C1orf21: variants seen among roughly 807,000 people sequenced by gnomAD.
C1orf21 encodes the protein chromosome 1 open reading frame 21, also known as uncharacterized protein C1orf21.
A neutral mutation model predicts 18.7 loss-of-function variants in C1orf21; 3 were observed. The observed-to-expected ratio is 0.16, with a 90% confidence interval of 0.07 to 0.42. The LOEUF is 0.42. Among genes scored for constraint, C1orf21 ranks in the 10% least tolerant of loss-of-function variants. C1orf21 has a pLI of 0.99. For missense variants in C1orf21, 104 were observed against 143.6 expected (o/e 0.72, Z 1.41); for synonymous variants, 41 against 46.4 (o/e 0.88, Z 0.47).
chr1:184,452,702 T>C (rs377059797), intron 1 of C1orf21, among the ~76,000 whole-genome samples: 16 of 152,292 alleles, frequency 1.1e-4, no homozygotes, highest in East Asian at 9.7e-4. Context: ...TCCATGAATC[T>C]CTTTATATTC....
At chr1:184,448,289 G>A (rs146207811) in intron 1 of C1orf21, among the ~76,000 whole-genome samples, 1 of 152,088 alleles carries the variant, frequency 6.6e-6, no homozygotes. Context: ...TTTCCATGTT[G>A]GCCAGGCTGG....
At position 184,547,420 on chromosome 1, in the gene C1orf21, C is replaced by CTTTTTTTTTTTTTT. The variant is rs34169321; in HGVS notation, c.189+39745_189+39758dup. 1.8e-4 allele frequency among the ~76,000 whole-genome samples: 19 copies of CTTTTTTTTTTTTTT among 102,962 alleles called. 1 individual carries two copies. The highest frequency in any genetic ancestry group is 3.1e-4 in the African/African-American group (7 of 22,596). 67.5% of individuals were successfully genotyped at this position (102,962 alleles called of 152,430 possible). ...CTTGCCATTTAAAGATACATCCAGACTTTTTTTTTTTTTTTTTTTTGGTCT... is the reference window on the plus strand; with the variant it reads ...CTTGCCATTTAAAGATACATCCAGACTTTTTTTTTTTTTTTTTTTTTTTTTTTTTTTTTTGGTCT... On this transcript the variant is annotated intron_variant, in intron 3 of 5. Coordinates refer to ENST00000235307, the MANE Select transcript of C1orf21 (RefSeq NM_030806.4).
At chr1:184,420,693 A>T (rs1213964889) in intron 1 of C1orf21, among the ~76,000 whole-genome samples, 3 of 152,154 alleles carry the variant, frequency 2.0e-5, no homozygotes, top group African/African-American at 7.2e-5. Flanking sequence ...ATGTACTTTT[A>T]TCTGGCCTTT....
intron 3 of C1orf21, among the ~76,000 whole-genome samples, chr1:184,557,920 G>T (rs1419187487): frequency 6.6e-6 from 1 of 152,196 alleles, no homozygotes; most frequent in African/African-American, 2.4e-5. Flanking sequence ...CAGCTCTGCA[G>T]ATGTGAAGTG....
At chr1:184,460,476 A>T (rs563943406) in intron 1 of C1orf21, among the ~76,000 whole-genome samples, 14 of 151,918 alleles carry the variant, frequency 9.2e-5, no homozygotes, top group Admixed American at 3.3e-4. Flanking sequence ...TTACTAAAAC[A>T]TTTCTACTCT....
intron 3 of C1orf21, chr1:184,566,985 G>A (rs1031474204): frequency 5.5e-5 from 29 of 527,376 alleles, no homozygotes; most frequent in Non-Finnish European, 9.3e-5. Context: ...GGTCCAGATG[G>A]CAATCCAAAG....
At chr1:184,610,814 T>A (rs1364065831) in intron 5 of C1orf21, among the ~76,000 whole-genome samples, 6 of 140,804 alleles carry the variant, frequency 4.3e-5, no homozygotes, top group African/African-American at 1.6e-4. Context: ...CCCACTGCAC[T>A]CCAGCCTGAG....
intron 2 of C1orf21, among the ~76,000 whole-genome samples, chr1:184,495,936 A>AG (rs1263897295): frequency 9.9e-5 from 15 of 151,722 alleles, no homozygotes; most frequent in African/African-American, 3.1e-4. Flanking sequence ...AAAAAAAAAA[A>AG]AAAAGATATG....
intron 3 of C1orf21, among the ~76,000 whole-genome samples, chr1:184,559,714 C>T (rs1039475461): frequency 4.6e-5 from 7 of 151,080 alleles, no homozygotes; most frequent in African/African-American, 1.7e-4. Flanking sequence ...ACAACCTGAG[C>T]TCAAGTGATC....
chr1:184,541,987 C>T (rs1002292190), intron 3 of C1orf21, among the ~76,000 whole-genome samples: 1 of 152,146 alleles, frequency 6.6e-6, no homozygotes, highest in African/African-American at 2.4e-5. Flanking sequence ...GTTGAATATT[C>T]TGGGAAAGGA....
chr1:184,531,184 CCCATCTTTACA>C (rs1658457250), intron 3 of C1orf21, among the ~76,000 whole-genome samples: 1 of 152,274 alleles, frequency 6.6e-6, no homozygotes, highest in East Asian at 1.9e-4. Flanking sequence ...CAGAGCATTT[CCCATCTTTACA>C]CCACAGATAT....
intron 1 of C1orf21, among the ~76,000 whole-genome samples, chr1:184,465,736 C>T (rs573379156): frequency 6.6e-6 from 1 of 152,288 alleles, no homozygotes; most frequent in East Asian, 1.9e-4. Context: ...CAAAGGGCTC[C>T]TTAGAATAGA....
At chr1:184,609,885 A>G (rs147026175) in intron 5 of C1orf21, among the ~76,000 whole-genome samples, 42 of 152,376 alleles carry the variant, frequency 2.8e-4, no homozygotes, top group Admixed American at 2.5e-3. Context: ...TTGGGAAGAG[A>G]TGCTGTTGGA....
intron 4 of C1orf21, among the ~76,000 whole-genome samples, chr1:184,591,536 G>T (rs537775326): frequency 3.2e-4 from 48 of 152,358 alleles, no homozygotes; most frequent in South Asian, 6.2e-4. Flanking sequence ...GTCGGGCATG[G>T]TGGCTCACGC....
intron 5 of C1orf21, among the ~76,000 whole-genome samples, chr1:184,615,150 A>G (rs1170777123): frequency 6.6e-6 from 1 of 152,150 alleles, no homozygotes; most frequent in Non-Finnish European, 1.5e-5. Context: ...CAACAAACAA[A>G]AACCCCTTAC....
rs553214697 is a variant in C1orf21, at chr1:184,623,383, T to G, written c.*3827T>G. 2 of 152,348 alleles carry G rather than the reference T, an allele frequency of 1.3e-5. No homozygotes were observed. Among genetic ancestry groups the G allele is most frequent in the Admixed American group, 1.3e-4 (2 of 15,310 alleles). 9.4% of individuals were successfully genotyped at this position (152,348 alleles called of 1,614,324 possible). A position where few individuals can be genotyped will look rare whatever the true frequency, so the allele number is the denominator to read the frequency against. ...AGAAAAAGGATATTAGATTGCACAC[T>G]ATAATTTTACATAAGATCTGCCTTC... is the stretch of plus-strand genomic sequence containing the variant. On this transcript the variant is annotated 3_prime_UTR_variant, in exon 6 of 6. Coordinates refer to ENST00000235307, the MANE Select transcript of C1orf21 (RefSeq NM_030806.4).
intron 2 of C1orf21, among the ~76,000 whole-genome samples, chr1:184,496,358 G>A (rs1486198818): frequency 2.0e-5 from 3 of 152,192 alleles, no homozygotes; most frequent in African/African-American, 4.8e-5. Context: ...CTGACATAGT[G>A]AGAGTATAAA....
chr1:184,413,705 T>C (rs887466051), intron 1 of C1orf21, among the ~76,000 whole-genome samples: 14 of 152,332 alleles, frequency 9.2e-5, no homozygotes, highest in Non-Finnish European at 1.9e-4. Context: ...GTGACAAGAC[T>C]GTCAGCTTTG....
chr1:184,589,042 A>G (rs565886265), intron 3 of C1orf21, among the ~76,000 whole-genome samples: 3 of 152,216 alleles, frequency 2.0e-5, no homozygotes, highest in Admixed American at 6.5e-5. Context: ...TTTCAAGGGT[A>G]CAGTTAAATA....
Sources: gnomAD v4.1 joint callset for allele counts (sites outside exome capture counted in the v4.1 genomes callset) on GRCh38, gnomAD v4.1.1 for gene constraint, MANE v1.5 for transcripts, NCBI Gene and HGNC (gene_info 2026-07-23, HGNC 2026-07-21) for gene names.